CDH15: variants seen among roughly 807,000 people sequenced by gnomAD.
The protein encoded by CDH15 is cadherin 15.
CDH15 carries 73 observed loss-of-function variants against 69.4 expected under a neutral mutation model. That is an observed-to-expected ratio of 1.05 (90% CI 0.87 to 1.28). CDH15 has a LOEUF of 1.28. Among genes scored for constraint, CDH15 ranks in the 50% most tolerant of loss-of-function variants. The pLI is 0.00. For missense variants in CDH15, 1,343 were observed against 1,133.6 expected (o/e 1.18, Z -2.65); for synonymous variants, 624 against 507.7 (o/e 1.23, Z -3.08).
chr16:89,171,775 T>C lies in CDH15; in HGVS notation c.-57T>C, dbSNP rs1915156313. On this transcript the variant is annotated 5_prime_UTR_variant, in exon 1 of 14. Transcript: ENST00000289746. ...CGCGCACTTGCGCTGTCACTCAGCC[T>C]GGACGCGCTTCTTCGGGTCGCGGGT... 36 of 1,483,774 alleles carry C rather than the reference T, an allele frequency of 2.4e-5. No homozygotes were observed. The highest frequency in any genetic ancestry group is 3.3e-5 in the East Asian group (1 of 30,590). The allele number at this position is 1,483,774 out of a possible 1,614,324, so 91.9% of individuals were successfully genotyped here.
intron 3 of CDH15, among the ~76,000 whole-genome samples, chr16:89,181,853 C>G (rs1045974900): frequency 6.6e-6 from 1 of 151,430 alleles, no homozygotes; most frequent in Non-Finnish European, 1.5e-5. Context: ...GCAGGAGAAT[C>G]GCTGGAACCC....
Position 89,193,909 on chromosome 16 carries a change from A to T in CDH15, c.2147A>T (p.Asn716Ile), listed in dbSNP as rs763665765. 3.7e-6 allele frequency: 6 copies of T among 1,611,994 alleles called. No homozygotes were observed. The highest frequency in any genetic ancestry group is 3.4e-6 in the Non-Finnish European group (4 of 1,179,770). ...TSPLDIADFI[N>I]DGLEAADSDP... ...CCCCTGGACATCGCCGACTTCATCA[A>T]TGATGTAGGTGCTCCTGGGGACACC... The change falls in exon 13 of 14, where the codon AAT becomes ATT. Residue 716 changes from asparagine to isoleucine, a missense_variant. Coordinates refer to ENST00000289746, the MANE Select transcript of CDH15 (RefSeq NM_004933.3).
rs115218393 is a variant in CDH15 at position 89,180,403 on chromosome 16, G to C, written c.357+48G>C. On this transcript the variant is annotated intron_variant, in intron 3 of 13. Coordinates refer to ENST00000289746, the MANE Select transcript of CDH15 (RefSeq NM_004933.3). ...CTGTGCCCCTCAAGCAGGCCTGGTG[G>C]AAAGCCAGTGCCCCTCCTCCCCACC... 2.4e-4 allele frequency: 377 copies of C among 1,584,462 alleles called. 1 individual carries two copies. In the African/African-American group the frequency reaches 4.8e-3, roughly 20 times the overall value.
In CDH15 at chr16:89,194,987, G is replaced by C. The variant is rs765474585; in HGVS notation, c.2277G>C (p.Glu759Asp). 2 of 1,611,804 alleles carry C rather than the reference G, an allele frequency of 1.2e-6. No individual in the cohort carries two copies. The highest frequency in any genetic ancestry group is 2.2e-5 in the East Asian group (1 of 44,860). Residue 759 changes from glutamate to aspartate, a missense_variant, in exon 14 of 14, where the codon GAG becomes GAC. Physicochemically the swap from Glu to Asp is conservative, Grantham distance 45 (BLOSUM62 2). Transcript: ENST00000289746. The part of the protein sequence containing the change: ...LSSILSSQGD[E>D]DQDYDYLRDW... ...CCATCCTGTCCAGCCAGGGCGATGA[G>C]GACCAGGACTACGACTACCTCAGAG...
intron 8 of CDH15, among the ~76,000 whole-genome samples, chr16:89,191,026 T>G (rs1283536753): frequency 1.4e-5 from 2 of 141,034 alleles, no homozygotes; most frequent in Admixed American, 1.4e-4. Context: ...TGCACATGTG[T>G]GGTACATGCG....
intron 5 of CDH15, among the ~76,000 whole-genome samples, chr16:89,186,777 A>G (rs1261689677): frequency 6.7e-6 from 1 of 148,706 alleles, no homozygotes; most frequent in Non-Finnish European, 1.5e-5. Flanking sequence ...CCCAGAGCAC[A>G]GTAGGTGCTC....
chr16:89,180,123 G>A lies in CDH15; in HGVS notation c.202-77G>A. The A allele has an allele frequency of 2.6e-6, 4 of 1,519,554 alleles. No homozygotes were observed. In the South Asian group the frequency reaches 3.5e-5, roughly 13 times the overall value. 94.1% of individuals were successfully genotyped at this position (1,519,554 alleles called of 1,614,324 possible). A position where few individuals can be genotyped will look rare whatever the true frequency, so the allele number is the denominator to read the frequency against. On this transcript the variant is annotated intron_variant, in intron 2 of 13. Transcript: ENST00000289746. ...GACCTGCCCTGCTGTCAGCTGGGGA[G>A]GGGCCTGAGGGGCTGCAGAGAGGGC...
intron 4 of CDH15, among the ~76,000 whole-genome samples, chr16:89,184,522 C>T (rs1246011952): frequency 1.3e-5 from 2 of 152,136 alleles, no homozygotes; most frequent in African/African-American, 2.4e-5. Flanking sequence ...GCAGGTGGGG[C>T]GGGGGCTCTG....
chr16:89,182,205 T>C (rs1219907876), intron 3 of CDH15, among the ~76,000 whole-genome samples: 1 of 10,110 alleles, frequency 9.9e-5, no homozygotes, highest in Non-Finnish European at 1.8e-4. Context: ...CAGCCTGCCC[T>C]CCCCCAGCCT....
At chr16:89,180,153 G>GC (rs1266818482) in intron 2 of CDH15, 47 bp from the exon 3 acceptor site, 6 of 1,603,636 alleles carry the variant, frequency 3.7e-6, no homozygotes, top group Non-Finnish European at 4.3e-6. Flanking sequence ...GAGGGCAGAG[G>GC]CCCCCGCCCG....
chr16:89,176,989 G>A (rs1254124169), intron 1 of CDH15, among the ~76,000 whole-genome samples: 5 of 152,082 alleles, frequency 3.3e-5, no homozygotes, highest in East Asian at 1.9e-4. Context: ...CCTCCCAGCC[G>A]GGTGGTGCAG....
At chr16:89,177,370 G>A (rs1915279716) in intron 1 of CDH15, among the ~76,000 whole-genome samples, 1 of 152,184 alleles carries the variant, frequency 6.6e-6, no homozygotes, top group African/African-American at 2.4e-5. Context: ...CTTTTGCCAG[G>A]CACATTTCAA....
chr16:89,174,553 T>C (rs1185187465), intron 1 of CDH15, among the ~76,000 whole-genome samples: 1 of 152,116 alleles, frequency 6.6e-6, no homozygotes, highest in Non-Finnish European at 1.5e-5. Context: ...AGAGCTTTCT[T>C]ACACAGCAGC....
intron 2 of CDH15, 28 bp from the exon 3 acceptor site, chr16:89,180,172 C>T (rs759511624): frequency 5.6e-6 from 9 of 1,608,900 alleles, no homozygotes; most frequent in Non-Finnish European, 7.6e-6. Flanking sequence ...CGGAGCAGCT[C>T]TCCCCAAACC....
chr16:89,179,496 C>T lies in CDH15; in HGVS notation c.123C>T (p.Ser41=). The T allele has an allele frequency of 1.2e-6, 2 of 1,613,352 alleles. No homozygotes were observed. Among genetic ancestry groups the T allele is most frequent in the Non-Finnish European group, 1.7e-6 (2 of 1,179,842 alleles). Residue 41 remains serine (S), a synonymous_variant, in exon 2 of 14, where the codon AGC becomes AGT. Transcript: ENST00000289746. ...CCTGGCGCCGGGCGCCTGCCCTGAG[C>T]CGCGTGCGGAGGGCCTGGGTCATCC... ...LYPWRRAPAL[S]RVRRAWVIPP... is the part of the protein sequence containing the mutation.
In CDH15 at chr16:89,194,850, G is replaced by T. The variant is rs1915761797; in HGVS notation, c.2152-12G>T. 3 of 1,596,154 alleles carry T rather than the reference G, an allele frequency of 1.9e-6. No individual in the cohort carries two copies. Among genetic ancestry groups the T allele is most frequent in the Admixed American group, 1.7e-5 (1 of 58,784 alleles). On this transcript the variant is annotated splice_polypyrimidine_tract_variant and intron_variant, in intron 13 of 13. Transcript: ENST00000289746. ...CCTCCATGTGTCTTGAGCTCTCCGG[G>T]CCTCTTTATAGGGCTTGGAGGCTGC...
Position 89,195,472 on chromosome 16 carries a change from C to T in CDH15, c.*317C>T, listed in dbSNP as rs1013626000. On this transcript the variant is annotated 3_prime_UTR_variant, in exon 14 of 14. Coordinates refer to ENST00000289746, the MANE Select transcript of CDH15 (RefSeq NM_004933.3). ...CTCCTGGGTAAATCTGAATGAAAAA[C>T]GTGCTAGTCTCTTTCATGCAGGACG... The T allele has an allele frequency of 2.6e-5, 11 of 417,202 alleles. No homozygotes were observed. Among genetic ancestry groups the T allele is most frequent in the Non-Finnish European group, 4.3e-5 (10 of 231,268 alleles). 25.8% of individuals were successfully genotyped at this position (417,202 alleles called of 1,614,324 possible).
At chr16:89,189,739 G>A (rs1321891252) in intron 7 of CDH15, among the ~76,000 whole-genome samples, 6 of 152,258 alleles carry the variant, frequency 3.9e-5, no homozygotes, top group Admixed American at 3.9e-4. Context: ...GTAGATGTGG[G>A]TGTATTTAGA....
chr16:89,177,243 G>C (rs550696201), intron 1 of CDH15, among the ~76,000 whole-genome samples: 9 of 152,166 alleles, frequency 5.9e-5, no homozygotes, highest in Non-Finnish European at 1.0e-4. Flanking sequence ...GGCTGGGAAG[G>C]TCGGGGTACC....
Sources: gnomAD v4.1 joint callset for allele counts (sites outside exome capture counted in the v4.1 genomes callset) on GRCh38, gnomAD v4.1.1 for gene constraint, MANE v1.5 for transcripts, NCBI Gene and HGNC (gene_info 2026-07-23, HGNC 2026-07-21) for gene names.